INTS13: variants seen among roughly 807,000 people sequenced by gnomAD.
The protein encoded by INTS13 is integrator complex subunit 13, also known as asunder, spermatogenesis regulator homolog (Drosphila).
A neutral mutation model predicts 90.2 loss-of-function variants in INTS13; 35 were observed. The observed-to-expected ratio is 0.39, with a 90% CI of 0.30 to 0.51. INTS13 has a LOEUF of 0.51. Ranked by LOEUF, INTS13 falls within the 20% of genes least tolerant of loss-of-function variation. The pLI is 0.80. For synonymous variants in INTS13, 309 were observed against 277.1 expected, an observed-to-expected ratio of 1.11 and a Z score of -1.14; for missense variants, 601 against 851.2, an observed-to-expected ratio of 0.71 and a Z score of 3.66.
At chr12:26,932,301 CAGA>C (rs1178467898) in intron 3 of INTS13, among the ~76,000 whole-genome samples, 1 of 152,056 alleles carries the variant, frequency 6.6e-6, no homozygotes, top group Non-Finnish European at 1.5e-5. Flanking sequence ...AGGAGAAGTT[CAGA>C]ACTGGAGAAT....
chr12:26,928,984 C>A, intron 3 of INTS13, 79 bp from the exon 4 acceptor site: 1 of 1,270,612 alleles, frequency 7.9e-7, no homozygotes, highest in Non-Finnish European at 1.1e-6. Context: ...GAAAACTACA[C>A]ACCAATGTAT....
intron 9 of INTS13, 78 bp from the exon 10 acceptor site, chr12:26,917,519 T>G: frequency 8.1e-7 from 1 of 1,230,130 alleles, no homozygotes; most frequent in South Asian, 1.3e-5. Context: ...AAAAAACTTC[T>G]TCACTGAGTT....
Position 26,929,053 on chromosome 12 carries a change from A to T in INTS13, c.301-148T>A, listed in dbSNP as rs373204737. 61 of 668,744 alleles carry T rather than the reference A, an allele frequency of 9.1e-5. No individual in the cohort carries two copies. The South Asian group carries it at 1.1e-3, about 12-fold the overall frequency. 41.4% of individuals were successfully genotyped at this position (668,744 alleles called of 1,614,324 possible). ...ATAGTAGCAAACCAAATCCAGTAAC[A>T]CACAAAGAATTATACACCATGAACA... On this transcript the variant is annotated intron_variant, in intron 3 of 16. Transcript: ENST00000261191.
chr12:26,917,640 C>G lies in INTS13; in HGVS notation c.979+4G>C, dbSNP rs771987790. 23 of 1,604,506 alleles carry G rather than the reference C, an allele frequency of 1.4e-5. No homozygotes were observed. The highest frequency in any genetic ancestry group is 1.9e-5 in the Non-Finnish European group (22 of 1,171,532). ...GTCTTTTTCAGTTATTCTTAAATAC[C>G]TACCAATGTTATTTGTCCTTGGTGT... On this transcript the variant is annotated splice_donor_region_variant and intron_variant, in intron 9 of 16. Transcript: ENST00000261191.
At chr12:26,933,627 G>A (rs1270910968) in intron 3 of INTS13, among the ~76,000 whole-genome samples, 1 of 152,102 alleles carries the variant, frequency 6.6e-6, no homozygotes, top group African/African-American at 2.4e-5. Flanking sequence ...AAGAAAAAGA[G>A]AGGAAAAAAA....
intron 15 of INTS13, among the ~76,000 whole-genome samples, chr12:26,907,458 A>T (rs1951643223): frequency 6.6e-6 from 1 of 152,254 alleles, no homozygotes; most frequent in Non-Finnish European, 1.5e-5. Flanking sequence ...AATAACTCAA[A>T]AATTGATCAT....
rs757481904 is a variant in INTS13 at position 26,919,030 on chromosome 12, G to A, written c.890-1297C>T. The A allele has an allele frequency of 3.0e-4, 121 of 398,050 alleles. 3 individuals carry two copies. The highest frequency in any genetic ancestry group is 1.4e-4 in the Non-Finnish European group (28 of 194,236). The allele number at this position is 398,050 out of a possible 1,614,324, so 24.7% of individuals were successfully genotyped here. A position where few individuals can be genotyped will look rare whatever the true frequency, so the allele number is the denominator to read the frequency against. On this transcript the variant is annotated intron_variant, in intron 8 of 16. Coordinates refer to ENST00000261191, the MANE Select transcript of INTS13 (RefSeq NM_018164.3). ...AAAATACAAAAATTAGCCAGGCTTC[G>A]TGGTATGCACCTGCAGTCCCAGCTA...
At position 26,913,969 on chromosome 12, in the gene INTS13, T is replaced by A; in HGVS notation, c.1574+5A>T. On this transcript the variant is annotated splice_donor_5th_base_variant and intron_variant, in intron 13 of 16. Transcript: ENST00000261191. ...CTATAAAGTAAGAAAGAAAAAAAAATGTACCTTTTAGGGCCCTTTCCTCTT... is the reference window on the plus strand; with the variant it reads ...CTATAAAGTAAGAAAGAAAAAAAAAAGTACCTTTTAGGGCCCTTTCCTCTT... 6.3e-7 allele frequency: 1 copy of A among 1,594,158 alleles called. No homozygotes were observed. Among genetic ancestry groups the A allele is most frequent in the Non-Finnish European group, 8.5e-7 (1 of 1,175,206 alleles).
intron 14 of INTS13, 59 bp downstream of exon 14, chr12:26,913,398 T>C (rs1452143292): frequency 4.0e-6 from 5 of 1,244,060 alleles, no homozygotes; most frequent in Non-Finnish European, 5.9e-6. Flanking sequence ...GAAAGTGTTC[T>C]ATGCAGAATG....
At chr12:26,914,282 A>T (rs1446245471) in intron 12 of INTS13, 126 bp downstream of exon 12, 5 of 1,206,342 alleles carry the variant, frequency 4.1e-6, no homozygotes, top group Middle Eastern at 2.8e-4. Flanking sequence ...TAATTCTTTA[A>T]CTTTAGCAAG....
intron 3 of INTS13, among the ~76,000 whole-genome samples, chr12:26,930,029 C>G (rs1181755417): frequency 6.6e-6 from 1 of 152,092 alleles, no homozygotes; most frequent in Non-Finnish European, 1.5e-5. Flanking sequence ...TATATACTTA[C>G]AATAATCTGA....
chr12:26,905,480 G>C lies in INTS13; in HGVS notation c.*17C>G. 1 of 1,607,322 alleles carries C rather than the reference G, an allele frequency of 6.2e-7. No individual in the cohort carries two copies. Among genetic ancestry groups the C allele is most frequent in the Non-Finnish European group, 8.5e-7 (1 of 1,177,170 alleles). Reference sequence around the variant, plus strand: ...ATATTTTTGCAATATGCTAAATTTAGTTCTTCAAGTCACTCTTCACTGCCG... The same window carrying C: ...ATATTTTTGCAATATGCTAAATTTACTTCTTCAAGTCACTCTTCACTGCCG... On this transcript the variant is annotated 3_prime_UTR_variant, in exon 17 of 17. Coordinates refer to ENST00000261191, the MANE Select transcript of INTS13 (RefSeq NM_018164.3).
intron 6 of INTS13, among the ~76,000 whole-genome samples, chr12:26,925,432 T>C (rs969647209): frequency 5.9e-5 from 9 of 152,132 alleles, no homozygotes; most frequent in Admixed American, 1.3e-4. Flanking sequence ...AAAGAGTGTA[T>C]TGCTTTTCTA....
chr12:26,912,895 T>G (rs1413467848), intron 14 of INTS13, among the ~76,000 whole-genome samples: 1 of 151,952 alleles, frequency 6.6e-6, no homozygotes, highest in Non-Finnish European at 1.5e-5. Flanking sequence ...ACCCAGCTGA[T>G]TTTTGTATTT....
chr12:26,917,491 A>T (rs1565823520), intron 9 of INTS13, 50 bp from the exon 10 acceptor site: 1 of 1,296,872 alleles, frequency 7.7e-7, no homozygotes, highest in Non-Finnish European at 1.1e-6. Flanking sequence ...AAATATTCCC[A>T]CAATTAAAAG....
Position 26,922,639 on chromosome 12 carries a change from G to A in INTS13, c.866C>T (p.Ala289Val). The change falls in exon 8 of 17, where the codon GCA (alanine) becomes GTA (valine). Residue 289 changes from alanine (A) to valine (V), a missense_variant. Ala to Val is a moderately conservative substitution (Grantham distance 64). This residue lies in a region of INTS13 where 284 missense variants were observed against 387.7 expected (regional missense o/e 0.73). Transcript: ENST00000261191. ...YDVELLHHKD[A>V]HVDFLKSGDS... ...ACCACTTTTCAGGAAATCTACATGT[G>A]CATCTTTGTGATGAAGTAGCTCCAC... is the stretch of plus-strand genomic sequence containing the variant. The A allele has an allele frequency of 6.3e-7, 1 of 1,578,472 alleles. No individual in the cohort carries two copies. Among genetic ancestry groups the A allele is most frequent in the Non-Finnish European group, 8.6e-7 (1 of 1,161,596 alleles).
chr12:26,928,449 C>A lies in INTS13; in HGVS notation c.504-164G>T, dbSNP rs115278901. On this transcript the variant is annotated intron_variant, in intron 4 of 16. Coordinates refer to ENST00000261191, the MANE Select transcript of INTS13 (RefSeq NM_018164.3). ...TACCACTAAACAACTAGCTGAAAAA[C>A]CAGTGAGAAAAAATGTTAAATTTAC... Among the ~76,000 whole-genome samples, 1,206 of 151,776 alleles carry A rather than the reference C, an allele frequency of 7.9e-3. 13 individuals are homozygous for A. The highest frequency in any genetic ancestry group is 0.028 in the African/African-American group (1,167 of 41,360).
chr12:26,926,391 A>T (rs1042622256), intron 5 of INTS13, among the ~76,000 whole-genome samples: 1 of 152,174 alleles, frequency 6.6e-6, no homozygotes, highest in African/African-American at 2.4e-5. Context: ...TGCTTTCTCT[A>T]TATACTATAC....
chr12:26,929,563 GA>G (rs113961406), intron 3 of INTS13, among the ~76,000 whole-genome samples: 20,888 of 115,520 alleles, frequency 0.18, 1,999 homozygotes, highest in East Asian at 0.56. Context: ...TCTATAAAAA[GA>G]AAAAAAAAAA....
Sources: gnomAD v4.1 joint callset for allele counts (sites outside exome capture counted in the v4.1 genomes callset) on GRCh38, gnomAD v4.1.1 for gene constraint, gnomAD v4.1.1 regional missense constraint, MANE v1.5 for transcripts, NCBI Gene and HGNC (gene_info 2026-07-23, HGNC 2026-07-21) for gene names.